Variants in MAP4 observed in about 807,000 individuals in gnomAD.
MAP4 encodes the protein microtubule-associated protein 4.
MAP4 carries 76 observed loss-of-function variants against 170.2 expected under a neutral mutation model. The observed-to-expected ratio is 0.45, with a 90% confidence interval of 0.37 to 0.54. The LOEUF (loss-of-function observed/expected upper bound fraction) is 0.54, where lower values mean the gene tolerates loss of function less well. MAP4 is among the 20% of genes least tolerant of loss of function. MAP4 has a pLI of 0.00. For synonymous variants in MAP4, 909 were observed against 994.5 expected, an observed-to-expected ratio of 0.91 and a Z score of 1.62; for missense variants, 2,506 against 2,748.0, an observed-to-expected ratio of 0.91 and a Z score of 1.97.
intron 1 of MAP4, among the ~76,000 whole-genome samples, chr3:48,033,364 C>T (rs1278847506): frequency 1.3e-5 from 2 of 152,160 alleles, no homozygotes; most frequent in Admixed American, 6.6e-5. Flanking sequence ...ATTTAACTAT[C>T]AGTTATCGCA....
chr3:48,075,533 AG>A (rs2100143412), intron 1 of MAP4, among the ~76,000 whole-genome samples: 1 of 152,142 alleles, frequency 6.6e-6, no homozygotes, highest in Admixed American at 6.6e-5. Flanking sequence ...TCAAAAAAAA[AG>A]AAAGTCCAGA....
chr3:48,067,940 CAG>C (rs2100139090), intron 1 of MAP4, among the ~76,000 whole-genome samples: 1 of 152,026 alleles, frequency 6.6e-6, no homozygotes, highest in African/African-American at 2.4e-5. Flanking sequence ...GCAACTGGCC[CAG>C]AGAAGCATTT....
chr3:47,919,309 G>T (rs1209790106), intron 5 of MAP4, among the ~76,000 whole-genome samples: 3 of 151,410 alleles, frequency 2.0e-5, no homozygotes, highest in African/African-American at 7.3e-5. Flanking sequence ...TGCAAAAAAA[G>T]TTTTTTTTCT....
At chr3:48,045,712 T>C (rs1255750959) in intron 1 of MAP4, among the ~76,000 whole-genome samples, 1 of 152,212 alleles carries the variant, frequency 6.6e-6, no homozygotes, top group East Asian at 1.9e-4. Flanking sequence ...CTTACATTCT[T>C]CTCATCATAC....
Position 47,910,957 on chromosome 3 carries a change from T to G in MAP4, c.3464A>C (p.Gln1155Pro), listed in dbSNP as rs772177611. ...TCCACTTTCCAAAGGAATCAATGCC[T>G]GCATGGTGCCTGCCACCTTAGGCTG... ...MTQPKVAGTM[Q>P]ALIPLESGSG... Residue 1155 changes from glutamine to proline, a missense_variant, in exon 9 of 21, where the codon CAG becomes CCG. Physicochemically the swap from Gln to Pro is moderately conservative, Grantham distance 76. Around this residue, in one of 3 missense-constraint regions of MAP4, gnomAD observed 2,008 missense variants for 2,206.0 expected, o/e 0.91. Transcript: ENST00000683076. The G allele has an allele frequency of 6.3e-5, 97 of 1,536,190 alleles. No individual in the cohort carries two copies. The highest frequency in any genetic ancestry group is 8.1e-5 in the Non-Finnish European group (93 of 1,146,900).
chr3:47,920,861 G>A (rs2153687337), intron 5 of MAP4, among the ~76,000 whole-genome samples: 1 of 152,134 alleles, frequency 6.6e-6, no homozygotes, highest in East Asian at 1.9e-4. Flanking sequence ...TGTAAATGAA[G>A]AAGTAGAAAA....
chr3:48,062,493 A>AT (rs1491589201), intron 1 of MAP4, among the ~76,000 whole-genome samples: 17 of 116,568 alleles, frequency 1.5e-4, no homozygotes, highest in East Asian at 7.9e-4. Flanking sequence ...AGAATGATCA[A>AT]TAAAAAAAAA....
chr3:47,898,038 A>C (rs563711769), intron 10 of MAP4, among the ~76,000 whole-genome samples: 2 of 152,154 alleles, frequency 1.3e-5, no homozygotes, highest in South Asian at 4.1e-4. Flanking sequence ...TCTGTTTCTA[A>C]TTTCCAGTCT....
intron 10 of MAP4, among the ~76,000 whole-genome samples, chr3:47,881,446 CTATATATATATATA>C (rs56923064): frequency 0.013 from 637 of 49,456 alleles, 28 homozygotes; most frequent in African/African-American, 0.027. Flanking sequence ...GAAAAAACAA[CTATATATATATATA>C]TATATATATA....
intron 1 of MAP4, among the ~76,000 whole-genome samples, chr3:48,000,216 C>T (rs2100098372): frequency 1.1e-5 from 1 of 95,142 alleles, no homozygotes; most frequent in Non-Finnish European, 2.1e-5. Context: ...CTCCGACTCC[C>T]CCATCAAAAA....
At chr3:47,968,044 G>A (rs557135708) in intron 3 of MAP4, among the ~76,000 whole-genome samples, 8 of 152,156 alleles carry the variant, frequency 5.3e-5, no homozygotes, top group Admixed American at 1.3e-4. Context: ...TCATTTGTGT[G>A]TATCTTTCTT....
intron 3 of MAP4, among the ~76,000 whole-genome samples, chr3:47,948,516 C>T (rs747999048): frequency 3.3e-5 from 5 of 151,856 alleles, no homozygotes; most frequent in South Asian, 2.1e-4. Flanking sequence ...TGAGTCACCA[C>T]GCCCAACCCA....
At chr3:47,878,355 C>T (rs2095938907) in intron 10 of MAP4, among the ~76,000 whole-genome samples, 1 of 152,080 alleles carries the variant, frequency 6.6e-6, no homozygotes, top group South Asian at 2.1e-4. Flanking sequence ...GACCCTCATA[C>T]CAAAGACAAA....
chr3:48,080,461 A>C (rs2100146063), intron 1 of MAP4, among the ~76,000 whole-genome samples: 1 of 152,262 alleles, frequency 6.6e-6, no homozygotes, highest in Non-Finnish European at 1.5e-5. Flanking sequence ...TTTAATTAAA[A>C]GGAACAATCC....
At chr3:48,028,645 C>T (rs989343260) in intron 1 of MAP4, among the ~76,000 whole-genome samples, 17 of 151,434 alleles carry the variant, frequency 1.1e-4, no homozygotes, top group African/African-American at 2.9e-4. Context: ...TGGTGGCCGG[C>T]GCCTGTAGTC....
chr3:48,071,796 C>T (rs900603629), intron 1 of MAP4, among the ~76,000 whole-genome samples: 1 of 151,772 alleles, frequency 6.6e-6, no homozygotes, highest in Non-Finnish European at 1.5e-5. Context: ...CCCAGATACT[C>T]GGGAGGCTAA....
rs2100035860 is a variant in MAP4 at position 47,911,328 on chromosome 3, A to G, written c.3093T>C (p.Phe1031=). 6.5e-7 allele frequency: 1 copy of G among 1,535,994 alleles called. No individual in the cohort carries two copies. Among genetic ancestry groups the G allele is most frequent in the Admixed American group, 2.0e-5 (1 of 50,978 alleles). ...CTTGGCCCTGCAGCTGCTCAGAAGT[A>G]AAGATGCTGATCTCTTGTCTTTCGT... The part of the protein sequence containing the change: ...FPNERQEISI[F]TSEQLQGQVL... Residue 1031 remains phenylalanine, a synonymous_variant, in exon 9 of 21, where the codon TTT becomes TTC. Transcript: ENST00000683076. The surrounding 1 kb of genome is among the most constrained non-coding windows in gnomAD (Gnocchi z 4.0).
chr3:47,883,531 A>G (rs1449244192), intron 10 of MAP4, among the ~76,000 whole-genome samples: 4 of 152,140 alleles, frequency 2.6e-5, no homozygotes, highest in Non-Finnish European at 5.9e-5. Context: ...GGCTATTTCC[A>G]TATTTTTACC....
chr3:47,881,829 C>T (rs902890991), intron 10 of MAP4, among the ~76,000 whole-genome samples: 6 of 152,118 alleles, frequency 3.9e-5, no homozygotes, highest in Admixed American at 3.9e-4. Context: ...TGGTCTCGAA[C>T]TCCTAGGCTC....
Sources: allele counts gnomAD v4.1 joint callset (sites outside exome capture counted in the v4.1 genomes callset), GRCh38; gene constraint gnomAD v4.1.1; regional missense constraint gnomAD v4.1.1; non-coding constraint Gnocchi (gnomAD v3.1); transcripts MANE v1.5; gene names NCBI Gene and HGNC (gene_info 2026-07-23, HGNC 2026-07-21).